The following MNAT1 variants were observed in gnomAD, a reference collection of about 807,000 sequenced individuals.
The protein encoded by MNAT1 is CDK-activating kinase assembly factor MAT1.
MNAT1 carries 43 observed loss-of-function variants against 42.0 expected under a neutral mutation model. The ratio of observed to expected loss-of-function variants is 1.02; its 90% CI spans 0.80 to 1.32. The LOEUF (loss-of-function observed/expected upper bound fraction) is 1.32, where lower values mean the gene tolerates loss of function less well. MNAT1 is among the 40% of genes most tolerant of loss of function. MNAT1 has a pLI of 0.00. For synonymous variants in MNAT1, 118 were observed against 120.0 expected, an observed-to-expected ratio of 0.98 and a Z score of 0.11; for missense variants, 306 against 350.4, an observed-to-expected ratio of 0.87 and a Z score of 1.01.
chr14:60,938,611 C>T (rs1360974787), intron 7 of MNAT1, among the ~76,000 whole-genome samples: 1 of 151,710 alleles, frequency 6.6e-6, no homozygotes, highest in African/African-American at 2.4e-5. Flanking sequence ...TTTTGATATG[C>T]TGTGCTGCTG....
chr14:60,895,079 A>G (rs1235272970), intron 7 of MNAT1, among the ~76,000 whole-genome samples: 1 of 152,206 alleles, frequency 6.6e-6, no homozygotes, highest in African/African-American at 2.4e-5. Context: ...ATTACATTCT[A>G]TACAGAGGAC....
intron 7 of MNAT1, among the ~76,000 whole-genome samples, chr14:60,944,576 C>A (rs4151378): frequency 5.5e-4 from 84 of 152,280 alleles, no homozygotes; most frequent in East Asian, 5.0e-3. Flanking sequence ...GACAAATAGA[C>A]TATTACCATA....
intron 6 of MNAT1, among the ~76,000 whole-genome samples, chr14:60,876,364 C>T (rs1221278579): frequency 6.6e-6 from 1 of 151,862 alleles, no homozygotes; most frequent in East Asian, 1.9e-4. Flanking sequence ...TATTTTAATT[C>T]TAGCAAAGCA....
chr14:60,907,938 A>T (rs998818120), intron 7 of MNAT1, among the ~76,000 whole-genome samples: 1 of 152,162 alleles, frequency 6.6e-6, no homozygotes, highest in African/African-American at 2.4e-5. Flanking sequence ...TTATCTGAAT[A>T]TCTGTTTCTT....
chr14:60,857,302 T>C (rs1309688738), intron 6 of MNAT1, among the ~76,000 whole-genome samples: 1 of 152,200 alleles, frequency 6.6e-6, no homozygotes, highest in East Asian at 1.9e-4. Flanking sequence ...ATGGAAGGAC[T>C]TTGAGCAGTT....
At chr14:60,929,160 A>AT (rs1555336751) in intron 7 of MNAT1, among the ~76,000 whole-genome samples, 12 of 128,438 alleles carry the variant, frequency 9.3e-5, no homozygotes, top group African/African-American at 1.4e-4. Context: ...AAAAAAAAAA[A>AT]AAAAAAAAAA....
At chr14:60,822,560 G>A in intron 6 of MNAT1, among the ~76,000 whole-genome samples, 1 of 151,572 alleles carries the variant, frequency 6.6e-6, no homozygotes, top group Non-Finnish European at 1.5e-5. Context: ...CAAGTAACTG[G>A]GTTTACAGGC....
At chr14:60,807,157 G>A (rs2032397421) in intron 3 of MNAT1, among the ~76,000 whole-genome samples, 1 of 152,160 alleles carries the variant, frequency 6.6e-6, no homozygotes, top group African/African-American at 2.4e-5. Context: ...CAGTGATTAT[G>A]ATAAATTGAT....
chr14:60,960,356 C>T (rs769377407), intron 7 of MNAT1, among the ~76,000 whole-genome samples: 1 of 152,244 alleles, frequency 6.6e-6, no homozygotes, highest in Admixed American at 6.5e-5. Context: ...TTGTAGTTCT[C>T]TAGGCCTCTG....
At chr14:60,863,257 T>C (rs1192639233) in intron 6 of MNAT1, among the ~76,000 whole-genome samples, 2 of 152,122 alleles carry the variant, frequency 1.3e-5, no homozygotes, top group Non-Finnish European at 2.9e-5. Flanking sequence ...AAGATATAAC[T>C]AAGTAGATGC....
intron 7 of MNAT1, among the ~76,000 whole-genome samples, chr14:60,898,073 T>G (rs1483470768): frequency 1.3e-5 from 2 of 150,876 alleles, no homozygotes; most frequent in South Asian, 2.1e-4. Context: ...TTAATTCCTT[T>G]GAATGGCTAA....
chr14:60,880,952 A>T (rs1409279096), intron 7 of MNAT1, among the ~76,000 whole-genome samples: 1 of 152,208 alleles, frequency 6.6e-6, no homozygotes, highest in African/African-American at 2.4e-5. Context: ...TAATGTAAAA[A>T]GTTATACATG....
intron 6 of MNAT1, among the ~76,000 whole-genome samples, chr14:60,857,836 G>A (rs1250351903): frequency 6.6e-6 from 1 of 150,688 alleles, no homozygotes; most frequent in Non-Finnish European, 1.5e-5. Flanking sequence ...TTGGTTTTCT[G>A]TCCTTGTGAT....
intron 1 of MNAT1, among the ~76,000 whole-genome samples, chr14:60,749,648 A>G (rs1197690113): frequency 2.0e-5 from 3 of 152,208 alleles, no homozygotes; most frequent in Admixed American, 2.0e-4. Flanking sequence ...AAGTAAATCT[A>G]TGAATTCAAG....
intron 7 of MNAT1, among the ~76,000 whole-genome samples, chr14:60,950,685 G>A (rs955857718): frequency 6.6e-6 from 1 of 152,056 alleles, no homozygotes; most frequent in African/African-American, 2.4e-5. Flanking sequence ...TGTGGCCCAG[G>A]GAAGCCAAAA....
intron 1 of MNAT1, among the ~76,000 whole-genome samples, chr14:60,792,598 C>CT (rs1430976988): frequency 6.6e-6 from 1 of 152,064 alleles, no homozygotes; most frequent in Admixed American, 6.6e-5. Context: ...CACAGAAAGT[C>CT]TTAAGTATAG....
At chr14:60,782,498 C>G (rs2031498613) in intron 1 of MNAT1, among the ~76,000 whole-genome samples, 1 of 152,138 alleles carries the variant, frequency 6.6e-6, no homozygotes, top group Non-Finnish European at 1.5e-5. Context: ...CTCAATTCAA[C>G]CTATTTCTTG....
At chr14:60,802,972 G>A (rs888182768) in intron 3 of MNAT1, among the ~76,000 whole-genome samples, 8 of 140,280 alleles carry the variant, frequency 5.7e-5, no homozygotes, top group African/African-American at 1.3e-4. Context: ...TCGCTCTGTC[G>A]CCCAGGCTGG....
chr14:60,905,647 G>C lies in MNAT1; in HGVS notation c.809+25812G>C, dbSNP rs533680609. ...GAAGGCCTGAGAATGGAGACTTAGC[G>C]GGGGTGGAGGTGAAAGTCATGGAGT... On this transcript the variant is annotated intron_variant, in intron 7 of 7. Transcript: ENST00000261245. 7.2e-5 allele frequency among the ~76,000 whole-genome samples: 11 copies of C among 152,310 alleles called. No individual in the cohort carries two copies. The South Asian group carries it at 2.3e-3, about 32-fold the overall frequency.
Sources: allele counts gnomAD v4.1 joint callset (sites outside exome capture counted in the v4.1 genomes callset), GRCh38; gene constraint gnomAD v4.1.1; transcripts MANE v1.5; gene names NCBI Gene and HGNC (gene_info 2026-07-23, HGNC 2026-07-21).